Variants in SNX29 observed in about 807,000 individuals in gnomAD.
SNX29 encodes the protein sorting nexin-29.
In SNX29, 78 loss-of-function variants were observed where a neutral mutation model predicts 102.1. The observed-to-expected ratio is 0.76, with a 90% confidence interval of 0.64 to 0.92. The LOEUF is 0.92. Among genes scored for constraint, SNX29 ranks in the 40% least tolerant of loss-of-function variants. SNX29 has a pLI of 0.00. For synonymous variants in SNX29, 580 were observed against 414.5 expected (o/e 1.40, Z -4.85); for missense variants, 1,280 against 1,061.7 (o/e 1.21, Z -2.86).
chr16:12,444,344 T>A (rs188745982), intron 18 of SNX29, among the ~76,000 whole-genome samples: 70 of 152,286 alleles, frequency 4.6e-4, no homozygotes, highest in African/African-American at 1.7e-3. Context: ...CAAAGCTATT[T>A]GCTGCTGTGC....
chr16:12,567,028 C>CA (rs1488375302), intron 20 of SNX29, among the ~76,000 whole-genome samples: 2 of 152,248 alleles, frequency 1.3e-5, no homozygotes, highest in African/African-American at 4.8e-5. Flanking sequence ...TGAAGAGATT[C>CA]ACTCCTGAGA....
At chr16:12,362,058 A>G (rs1296255465) in intron 16 of SNX29, among the ~76,000 whole-genome samples, 1 of 152,002 alleles carries the variant, frequency 6.6e-6, no homozygotes, top group Non-Finnish European at 1.5e-5. Context: ...TCTGTGTCCT[A>G]CCTTTCCTCA....
intron 1 of SNX29, among the ~76,000 whole-genome samples, chr16:11,988,863 C>G (rs1043163457): frequency 6.6e-6 from 1 of 152,184 alleles, no homozygotes; most frequent in African/African-American, 2.4e-5. Flanking sequence ...TGGTTGCTTT[C>G]AGGCTGCAAT....
At position 12,540,429 on chromosome 16, in the gene SNX29, G is replaced by C. The variant is rs191391190; in HGVS notation, c.2318+15588G>C. Among the ~76,000 whole-genome samples, 746 of 152,324 alleles carry C rather than the reference G, an allele frequency of 4.9e-3. 3 individuals carry two copies. Among genetic ancestry groups the C allele is most frequent in the Non-Finnish European group, 7.4e-3 (501 of 68,036 alleles). On this transcript the variant is annotated intron_variant, in intron 20 of 20. Transcript: ENST00000566228. The stretch of plus-strand genomic sequence containing the variant: ...CTAAAAACTACAGATTTATTCTCCA[G>C]CTGCTGTGGAGGCCAGAAGTCCGAG...
rs996385013 is a variant in SNX29, at chr16:12,569,027, C to G, written c.*398C>G. ...GAAGGTTCATGCAGAGCCAGCCTCTCCACTCTTTCCCACGTGGGGACTAGA... is the reference window on the plus strand; with the variant it reads ...GAAGGTTCATGCAGAGCCAGCCTCTGCACTCTTTCCCACGTGGGGACTAGA... On this transcript the variant is annotated 3_prime_UTR_variant, in exon 21 of 21. Coordinates refer to ENST00000566228, the MANE Select transcript of SNX29 (RefSeq NM_032167.5). The G allele has an allele frequency of 1.2e-5, 3 of 242,404 alleles. No homozygotes were observed. Among genetic ancestry groups the G allele is most frequent in the Non-Finnish European group, 2.4e-5 (3 of 125,794 alleles). 15.0% of individuals were successfully genotyped at this position (242,404 alleles called of 1,614,324 possible).
intron 15 of SNX29, among the ~76,000 whole-genome samples, chr16:12,353,394 C>G (rs1156414326): frequency 6.6e-6 from 1 of 151,034 alleles, no homozygotes; most frequent in Non-Finnish European, 1.5e-5. Flanking sequence ...TTATCCTGCC[C>G]CAGATGTGCT....
At chr16:12,545,242 C>T (rs1046112494) in intron 20 of SNX29, among the ~76,000 whole-genome samples, 1 of 152,154 alleles carries the variant, frequency 6.6e-6, no homozygotes, top group African/African-American at 2.4e-5. Flanking sequence ...GGCCTCTGTT[C>T]TCAAGTGGCT....
chr16:12,499,837 G>C (rs2089022111), intron 19 of SNX29, among the ~76,000 whole-genome samples: 1 of 151,996 alleles, frequency 6.6e-6, no homozygotes, highest in African/African-American at 2.4e-5. Context: ...AACCATGCCT[G>C]GCTAATTTTT....
intron 14 of SNX29, among the ~76,000 whole-genome samples, chr16:12,216,137 C>T (rs1435491047): frequency 6.6e-6 from 1 of 151,926 alleles, no homozygotes; most frequent in South Asian, 2.1e-4. Flanking sequence ...ATTAAAAACC[C>T]AAAATTATAT....
chr16:12,092,436 A>G (rs1339474876), intron 11 of SNX29, among the ~76,000 whole-genome samples: 1 of 152,162 alleles, frequency 6.6e-6, no homozygotes, highest in African/African-American at 2.4e-5. Context: ...TTGTGTCTCT[A>G]TCTCGGGATG....
intron 20 of SNX29, among the ~76,000 whole-genome samples, chr16:12,564,770 T>C (rs1010084748): frequency 2.6e-5 from 4 of 151,840 alleles, no homozygotes; most frequent in African/African-American, 7.3e-5. Flanking sequence ...TGATTGGCTT[T>C]ATGATTGCAG....
intron 11 of SNX29, among the ~76,000 whole-genome samples, chr16:12,106,549 T>C (rs1192209074): frequency 6.6e-6 from 1 of 150,868 alleles, no homozygotes; most frequent in Non-Finnish European, 1.5e-5. Context: ...TGATACCTTA[T>C]GGCAGCATCC....
chr16:12,173,445 A>G (rs1389773322), intron 13 of SNX29, among the ~76,000 whole-genome samples: 1 of 152,194 alleles, frequency 6.6e-6, no homozygotes, highest in Admixed American at 6.5e-5. Flanking sequence ...CTTTATTTAC[A>G]AAAAACAGAT....
In SNX29 at chr16:12,048,583, C is replaced by T. The variant is rs147618832; in HGVS notation, c.711C>T (p.Thr237=). Reference sequence around the variant, plus strand: ...TCCTCATCAAACCTGAACAGGAGACCGACCCCTTGCCTGTCGTGTCCAGGA... The same window carrying T: ...TCCTCATCAAACCTGAACAGGAGACTGACCCCTTGCCTGTCGTGTCCAGGA... The part of the protein sequence containing the change: ...VSILIKPEQE[T]DPLPVVSRNV... Residue 237 remains threonine (T), a synonymous_variant, in exon 7 of 21, where the codon ACC becomes ACT. Coordinates refer to ENST00000566228, the MANE Select transcript of SNX29 (RefSeq NM_032167.5). The T allele has an allele frequency of 2.3e-3, 3,694 of 1,613,844 alleles. 11 individuals carry two copies. Among genetic ancestry groups the T allele is most frequent in the Non-Finnish European group, 2.9e-3 (3,377 of 1,179,854 alleles).
intron 14 of SNX29, among the ~76,000 whole-genome samples, chr16:12,250,232 T>C (rs1233027962): frequency 6.6e-6 from 1 of 152,218 alleles, no homozygotes; most frequent in Non-Finnish European, 1.5e-5. Context: ...TTGAAAGCCT[T>C]GTGCATAGAA....
intron 18 of SNX29, among the ~76,000 whole-genome samples, chr16:12,434,978 G>T (rs191900852): frequency 7.4e-6 from 1 of 135,146 alleles, no homozygotes; most frequent in African/African-American, 3.4e-5. Context: ...GGGGGGCGGT[G>T]GGGGGGGTTT....
At chr16:12,433,985 C>T (rs147783973) in intron 18 of SNX29, among the ~76,000 whole-genome samples, 1 of 152,140 alleles carries the variant, frequency 6.6e-6, no homozygotes, top group African/African-American at 2.4e-5. Flanking sequence ...GTCCCCTGCC[C>T]CCTGTTTTGA....
At chr16:12,535,048 C>G (rs1393065171) in intron 20 of SNX29, among the ~76,000 whole-genome samples, 2 of 152,108 alleles carry the variant, frequency 1.3e-5, no homozygotes, top group Admixed American at 6.5e-5. Context: ...AAACCAGCTA[C>G]AAAGCACTGG....
chr16:12,435,030 G>A (rs62028400), intron 18 of SNX29, among the ~76,000 whole-genome samples: 5,365 of 152,140 alleles, frequency 0.035, 273 homozygotes, highest in East Asian at 0.27. Flanking sequence ...CTGTGACCAG[G>A]TCATATACCA....
Sources: gnomAD v4.1 joint callset for allele counts (sites outside exome capture counted in the v4.1 genomes callset) on GRCh38, gnomAD v4.1.1 for gene constraint, MANE v1.5 for transcripts, NCBI Gene and HGNC (gene_info 2026-07-23, HGNC 2026-07-21) for gene names.